TRPM3: variants seen among roughly 807,000 people sequenced by gnomAD.
TRPM3 encodes long transient receptor potential channel 3.
Under a neutral mutation model 181.2 loss-of-function variants are expected in TRPM3, and 77 were observed. The observed-to-expected ratio is 0.42, with a 90% CI of 0.35 to 0.51. The LOEUF is 0.51. TRPM3 is among the 20% of genes least tolerant of loss of function. The pLI is 0.01. For missense variants in TRPM3, 1,759 were observed against 2,196.7 expected (o/e 0.80, Z 3.98); for synonymous variants, 745 against 796.4 (o/e 0.94, Z 1.09).
intron 1 of TRPM3, among the ~76,000 whole-genome samples, chr9:71,381,612 C>T (rs1284234141): frequency 6.6e-6 from 1 of 152,104 alleles, no homozygotes; most frequent in South Asian, 2.1e-4. Context: ...GAACGTAAAC[C>T]TATGTAGCAG....
chr9:70,596,700 G>GTAAA (rs2059097167), intron 21 of TRPM3, among the ~76,000 whole-genome samples: 1 of 114,458 alleles, frequency 8.7e-6, no homozygotes, highest in Non-Finnish European at 1.8e-5. Context: ...GGGTGACAGA[G>GTAAA]TAAAACACTG....
intron 1 of TRPM3, among the ~76,000 whole-genome samples, chr9:71,299,017 C>T (rs754386039): frequency 6.6e-6 from 1 of 151,922 alleles, no homozygotes; most frequent in East Asian, 1.9e-4. Flanking sequence ...AAAGAGACTG[C>T]TGAATTTAAT....
chr9:70,775,516 G>T (rs1476352761), intron 7 of TRPM3: 1 of 152,156 alleles, frequency 6.6e-6, no homozygotes, highest in Non-Finnish European at 1.5e-5. Flanking sequence ...CCAAGCAAAG[G>T]AATGTGATCT....
chr9:71,431,318 G>T (rs532232862), intron 1 of TRPM3, among the ~76,000 whole-genome samples: 1 of 152,182 alleles, frequency 6.6e-6, no homozygotes, highest in Non-Finnish European at 1.5e-5. Context: ...AACTTGAAAG[G>T]ATAAGTAAAT....
intron 1 of TRPM3, among the ~76,000 whole-genome samples, chr9:71,294,808 T>C (rs939600613): frequency 2.0e-5 from 3 of 152,160 alleles, no homozygotes; most frequent in East Asian, 1.9e-4. Flanking sequence ...GTGAGCACGA[T>C]TGATTCTGAG....
At chr9:71,369,860 C>A (rs1275612572) in intron 1 of TRPM3, among the ~76,000 whole-genome samples, 2 of 152,180 alleles carry the variant, frequency 1.3e-5, no homozygotes, top group Admixed American at 1.3e-4. Flanking sequence ...TTTTGGCAAA[C>A]CTGCGTCAAA....
intron 1 of TRPM3, among the ~76,000 whole-genome samples, chr9:70,999,724 T>C (rs914526754): frequency 2.6e-5 from 4 of 152,204 alleles, no homozygotes; most frequent in African/African-American, 9.7e-5. Context: ...CATATGTTGA[T>C]CCAAGGTTAT....
chr9:70,876,201 C>A (rs2095866453), intron 1 of TRPM3, among the ~76,000 whole-genome samples: 1 of 151,430 alleles, frequency 6.6e-6, no homozygotes, highest in Non-Finnish European at 1.5e-5. Context: ...TTTATTCTTA[C>A]CTCAGTGTGT....
chr9:70,590,323 G>A (rs1292264566), intron 22 of TRPM3, among the ~76,000 whole-genome samples: 5 of 152,048 alleles, frequency 3.3e-5, no homozygotes, highest in African/African-American at 9.7e-5. Flanking sequence ...ACAGAGAATC[G>A]GCATCTATTA....
At chr9:70,616,444 T>C (rs2062783462) in intron 17 of TRPM3, among the ~76,000 whole-genome samples, 1 of 151,722 alleles carries the variant, frequency 6.6e-6, no homozygotes, top group Non-Finnish European at 1.5e-5. Flanking sequence ...GAATTCAGAT[T>C]TACATTTAGC....
chr9:70,923,500 A>G (rs1020678665), intron 1 of TRPM3, among the ~76,000 whole-genome samples: 22 of 152,162 alleles, frequency 1.4e-4, no homozygotes, highest in Non-Finnish European at 2.4e-4. Flanking sequence ...ATACAAAAAT[A>G]GAGAAATTAC....
chr9:70,784,085 G>T lies in TRPM3; in HGVS notation c.1148+20C>A. ...AAACAGGCTTTAGGGTTCTTCCATG[G>T]GGCCTGGAAAGTTACCTACCCGCCT... On this transcript the variant is annotated intron_variant, in intron 7 of 25. Transcript: ENST00000677713. 2 of 1,608,194 alleles carry T rather than the reference G, an allele frequency of 1.2e-6. No homozygotes were observed. Among genetic ancestry groups the T allele is most frequent in the South Asian group, 1.1e-5 (1 of 90,584 alleles).
intron 1 of TRPM3, among the ~76,000 whole-genome samples, chr9:71,421,021 G>GAGAGAAAA (rs1563912890): frequency 6.6e-6 from 1 of 150,964 alleles, no homozygotes; most frequent in Non-Finnish European, 1.5e-5. Context: ...GAGAGAAAAA[G>GAGAGAAAA]AGAGAAAAAG....
At chr9:70,976,889 C>T (rs1341765628) in intron 1 of TRPM3, among the ~76,000 whole-genome samples, 1 of 152,178 alleles carries the variant, frequency 6.6e-6, no homozygotes, top group African/African-American at 2.4e-5. Flanking sequence ...ACACCAGGTG[C>T]TGCCACTGAT....
intron 1 of TRPM3, among the ~76,000 whole-genome samples, chr9:71,273,418 G>A (rs2083954383): frequency 1.3e-5 from 2 of 152,140 alleles, no homozygotes; most frequent in Non-Finnish European, 2.9e-5. Context: ...CAGAAATTCT[G>A]TTTTCCTGTC....
chr9:71,363,163 C>A (rs1019034578), intron 1 of TRPM3, among the ~76,000 whole-genome samples: 1 of 152,184 alleles, frequency 6.6e-6, no homozygotes. Flanking sequence ...CAACAAATTA[C>A]TACTGAAGAG....
Position 70,553,168 on chromosome 9 carries a change from A to G in TRPM3, c.3366T>C (p.Ala1122=). The G allele has an allele frequency of 1.9e-6, 3 of 1,614,186 alleles. No individual in the cohort carries two copies. Among genetic ancestry groups the G allele is most frequent in the Non-Finnish European group, 2.5e-6 (3 of 1,180,044 alleles). The change falls in exon 23 of 26, where the codon GCT becomes GCC. Residue 1122 remains alanine (A), a synonymous_variant. Transcript: ENST00000677713. The stretch of plus-strand genomic sequence containing the variant: ...CCAAAGGACCCACTTACTTAAAGAC[A>G]GCAATGAGGAGGTTGACCAGCAAGA... The part of the protein sequence containing the change: ...ANILLVNLLI[A]VFNNTFFEVK...
chr9:71,085,666 G>A (rs1194487216), intron 1 of TRPM3, among the ~76,000 whole-genome samples: 1 of 152,070 alleles, frequency 6.6e-6, no homozygotes, highest in South Asian at 2.1e-4. Context: ...ACACCCGTCA[G>A]AATGGCTATT....
chr9:71,430,435 A>T lies in TRPM3; in HGVS notation c.183+16218T>A, dbSNP rs558604307. On this transcript the variant is annotated intron_variant, in intron 1 of 24. Transcript: ENST00000357533. ...ACTACTTAGATTAGCAGCAAAAGGCAACATGTCCTAATTAGATTTTAAATA... is the reference window on the plus strand; with the variant it reads ...ACTACTTAGATTAGCAGCAAAAGGCTACATGTCCTAATTAGATTTTAAATA... Among the ~76,000 whole-genome samples the T allele has an allele frequency of 2.6e-3, 392 of 152,302 alleles. 3 individuals carry two copies. Among genetic ancestry groups the T allele is most frequent in the African/African-American group, 8.7e-3 (363 of 41,568 alleles).
Sources: allele counts gnomAD v4.1 joint callset (sites outside exome capture counted in the v4.1 genomes callset), GRCh38; gene constraint gnomAD v4.1.1; transcripts MANE v1.5; gene names NCBI Gene and HGNC (gene_info 2026-07-23, HGNC 2026-07-21).